Variants in SEMA5A observed in about 807,000 individuals in gnomAD.
SEMA5A encodes the protein semaphorin 5A.
Under a neutral mutation model 135.5 loss-of-function variants are expected in SEMA5A, and 55 were observed. That is an observed-to-expected ratio of 0.41 (90% CI 0.33 to 0.51). The LOEUF (loss-of-function observed/expected upper bound fraction) is 0.51. SEMA5A is among the 20% of genes least tolerant of loss of function. SEMA5A has a pLI of 0.37. For synonymous variants in SEMA5A, 580 were observed against 546.5 expected (o/e 1.06, Z -0.85); for missense variants, 1,290 against 1,419.9 (o/e 0.91, Z 1.47).
intron 6 of SEMA5A, among the ~76,000 whole-genome samples, chr5:9,232,175 A>C (rs1273243265): frequency 6.6e-6 from 1 of 152,202 alleles, no homozygotes; most frequent in Non-Finnish European, 1.5e-5. Context: ...TTTGTCATAT[A>C]GCATTTCATG....
At chr5:9,387,570 C>A (rs1755951788) in intron 2 of SEMA5A, among the ~76,000 whole-genome samples, 1 of 152,184 alleles carries the variant, frequency 6.6e-6, no homozygotes, top group African/African-American at 2.4e-5. Context: ...TTCAATGAAA[C>A]AGGAATAAAC....
At chr5:9,469,514 G>C (rs1759396131) in intron 1 of SEMA5A, among the ~76,000 whole-genome samples, 3 of 152,134 alleles carry the variant, frequency 2.0e-5, no homozygotes. Context: ...TTGCAAGCAA[G>C]GTGTCCCCAT....
intron 1 of SEMA5A, among the ~76,000 whole-genome samples, chr5:9,528,843 A>G (rs1391707307): frequency 2.0e-5 from 3 of 152,248 alleles, no homozygotes; most frequent in Non-Finnish European, 4.4e-5. Flanking sequence ...TTTTGGGAAG[A>G]GGGAAAAAGA....
intron 1 of SEMA5A, among the ~76,000 whole-genome samples, chr5:9,473,556 T>G (rs963100879): frequency 4.7e-5 from 7 of 150,466 alleles, no homozygotes; most frequent in African/African-American, 1.7e-4. Context: ...AGGCCAAACC[T>G]AGGGCTCAAT....
intron 12 of SEMA5A, among the ~76,000 whole-genome samples, chr5:9,136,975 C>A (rs1346007389): frequency 6.6e-6 from 1 of 152,210 alleles, no homozygotes; most frequent in Admixed American, 6.5e-5. Flanking sequence ...TCACCATGAT[C>A]ATCCGCCTCC....
At chr5:9,401,220 T>C (rs898893590) in intron 2 of SEMA5A, among the ~76,000 whole-genome samples, 8 of 152,302 alleles carry the variant, frequency 5.3e-5, no homozygotes, top group African/African-American at 1.9e-4. Flanking sequence ...AGCATGAAGG[T>C]GGATGAGCAG....
At chr5:9,420,317 C>G (rs1370505761) in intron 2 of SEMA5A, among the ~76,000 whole-genome samples, 1 of 152,056 alleles carries the variant, frequency 6.6e-6, no homozygotes, top group Non-Finnish European at 1.5e-5. Context: ...TATAATTTAC[C>G]TTAATTATAG....
At chr5:9,215,509 A>T (rs1746568284) in intron 8 of SEMA5A, among the ~76,000 whole-genome samples, 2 of 152,188 alleles carry the variant, frequency 1.3e-5, no homozygotes, top group Non-Finnish European at 2.9e-5. Flanking sequence ...GCACAGGAAG[A>T]TGGCCATGTG....
chr5:9,223,311 G>C (rs947632168), intron 8 of SEMA5A, among the ~76,000 whole-genome samples: 2 of 152,172 alleles, frequency 1.3e-5, no homozygotes, highest in Non-Finnish European at 2.9e-5. Context: ...TGATTAGGTT[G>C]ACTGTATTAT....
intron 3 of SEMA5A, among the ~76,000 whole-genome samples, chr5:9,361,196 G>T (rs577621077): frequency 3.6e-4 from 55 of 152,084 alleles, no homozygotes; most frequent in African/African-American, 1.3e-3. Context: ...CTACTCGGGA[G>T]GCTGTGGCAC....
chr5:9,391,104 A>G (rs1285731296), intron 2 of SEMA5A: 1 of 152,254 alleles, frequency 6.6e-6, no homozygotes, highest in Non-Finnish European at 1.5e-5. Context: ...CAGGTCATCC[A>G]GCTGAAGAAA....
At chr5:9,050,998 T>G (rs1736542753) in intron 20 of SEMA5A, among the ~76,000 whole-genome samples, 2 of 152,218 alleles carry the variant, frequency 1.3e-5, no homozygotes, top group African/African-American at 4.8e-5. Context: ...CTCATACATG[T>G]TTTAACTCCT....
At chr5:9,405,478 A>C (rs1350287452) in intron 2 of SEMA5A, among the ~76,000 whole-genome samples, 1 of 152,178 alleles carries the variant, frequency 6.6e-6, no homozygotes, top group Non-Finnish European at 1.5e-5. Flanking sequence ...ATGATGTATA[A>C]TCAAAGCCAA....
At chr5:9,202,633 G>A (rs550523218) in intron 8 of SEMA5A, among the ~76,000 whole-genome samples, 1 of 152,342 alleles carries the variant, frequency 6.6e-6, no homozygotes, top group African/African-American at 2.4e-5. Context: ...AAGATGAAAT[G>A]TGGTTCAGAA....
intron 3 of SEMA5A, among the ~76,000 whole-genome samples, chr5:9,353,121 GGAAAGGAAA>G (rs1754231268): frequency 1.9e-5 from 1 of 53,742 alleles, no homozygotes; most frequent in East Asian, 4.4e-4. Flanking sequence ...GGAAAGGAAA[GGAAAGGAAA>G]GGAAAGGAAA....
intron 11 of SEMA5A, among the ~76,000 whole-genome samples, chr5:9,179,083 T>C (rs1310934762): frequency 6.6e-6 from 1 of 152,168 alleles, no homozygotes; most frequent in Non-Finnish European, 1.5e-5. Flanking sequence ...CTCGTAGTTA[T>C]AATACCATCA....
intron 13 of SEMA5A, among the ~76,000 whole-genome samples, chr5:9,127,461 C>T (rs1161796944): frequency 2.0e-5 from 3 of 152,312 alleles, no homozygotes; most frequent in Non-Finnish European, 4.4e-5. Context: ...CCCTATGGCT[C>T]ATAAGCCCTG....
chr5:9,161,263 A>G (rs192636750), intron 11 of SEMA5A, among the ~76,000 whole-genome samples: 124 of 152,254 alleles, frequency 8.1e-4, no homozygotes, highest in African/African-American at 2.8e-3. Context: ...GAACTGGGGA[A>G]GCAGCAATAG....
chr5:9,292,598 T>C (rs575294876), intron 5 of SEMA5A, among the ~76,000 whole-genome samples: 10 of 152,276 alleles, frequency 6.6e-5, no homozygotes, highest in Middle Eastern at 3.4e-3. Context: ...ATTCTAAAAT[T>C]CTTTCCAAGT....
Sources: gnomAD v4.1 joint callset for allele counts (sites outside exome capture counted in the v4.1 genomes callset) on GRCh38, gnomAD v4.1.1 for gene constraint, MANE v1.5 for transcripts, NCBI Gene and HGNC (gene_info 2026-07-23, HGNC 2026-07-21) for gene names.